Variants in ZDHHC21 observed in about 807,000 individuals in gnomAD.
ZDHHC21 encodes the protein zDHHC palmitoyltransferase 21, also known as palmitoyltransferase ZDHHC21.
ZDHHC21 carries 15 observed loss-of-function variants against 34.6 expected under a neutral mutation model. The observed-to-expected ratio is 0.43, with a 90% CI of 0.29 to 0.67. ZDHHC21 has a LOEUF of 0.67. ZDHHC21 is among the 30% of genes least tolerant of loss of function. The pLI is 0.14. For missense variants in ZDHHC21, 344 were observed against 327.7 expected, an observed-to-expected ratio of 1.05 and a Z score of -0.38; for synonymous variants, 142 against 101.8, an observed-to-expected ratio of 1.40 and a Z score of -2.38.
At position 14,637,063 on chromosome 9, in the gene ZDHHC21, C is replaced by T. The variant is rs997163966; in HGVS notation, c.621+2833G>A. 2.6e-5 allele frequency among the ~76,000 whole-genome samples: 4 copies of T among 151,430 alleles called. No homozygotes were observed. In the South Asian group the frequency reaches 6.3e-4, roughly 24 times the overall value. Reference sequence around the variant, plus strand: ...AAGAAATAATGAAGACCAGATGAGACGTAAAAGCAAAAGAGACTAAAAAAA... The same window carrying T: ...AAGAAATAATGAAGACCAGATGAGATGTAAAAGCAAAAGAGACTAAAAAAA... On this transcript the variant is annotated intron_variant, in intron 8 of 9. Transcript: ENST00000380916.
At chr9:14,688,082 T>A (rs1051363056) in intron 2 of ZDHHC21, among the ~76,000 whole-genome samples, 1 of 150,042 alleles carries the variant, frequency 6.7e-6, no homozygotes, top group Non-Finnish European at 1.5e-5. Context: ...ATTTTTTAAA[T>A]ATCACATAGA....
chr9:14,606,662 G>A (rs1823023814), downstream of ZDHHC21, among the ~76,000 whole-genome samples: 1 of 152,042 alleles, frequency 6.6e-6, no homozygotes, highest in Non-Finnish European at 1.5e-5. Context: ...GTTTGGGATT[G>A]TTATATAGCA....
chr9:14,646,670 A>G (rs987269328), intron 7 of ZDHHC21, among the ~76,000 whole-genome samples: 1 of 152,118 alleles, frequency 6.6e-6, no homozygotes, highest in African/African-American at 2.4e-5. Context: ...TGTTCTTCCC[A>G]GAAAACTCCC....
intron 8 of ZDHHC21, among the ~76,000 whole-genome samples, chr9:14,634,335 C>T (rs149646758): frequency 1.3e-5 from 2 of 152,194 alleles, no homozygotes; most frequent in Non-Finnish European, 2.9e-5. Context: ...GAGAACCTGT[C>T]CACCTGCCTG....
chr9:14,683,964 C>T (rs1837831389), intron 2 of ZDHHC21, among the ~76,000 whole-genome samples: 1 of 152,210 alleles, frequency 6.6e-6, no homozygotes, highest in African/African-American at 2.4e-5. Context: ...ACGGTTATCT[C>T]AATAGATGCA....
intron 8 of ZDHHC21, among the ~76,000 whole-genome samples, chr9:14,636,349 G>A (rs962853083): frequency 2.6e-5 from 4 of 152,104 alleles, no homozygotes; most frequent in Admixed American, 1.3e-4. Flanking sequence ...GATCAATTCA[G>A]TAAGAAGATA....
intron 5 of ZDHHC21, among the ~76,000 whole-genome samples, chr9:14,662,940 G>C (rs1032089177): frequency 1.3e-5 from 2 of 152,150 alleles, no homozygotes; most frequent in African/African-American, 4.8e-5. Context: ...AGTTTCAGTA[G>C]TGAAAAATGT....
chr9:14,606,374 A>G (rs560893295), downstream of ZDHHC21, among the ~76,000 whole-genome samples: 184 of 152,294 alleles, frequency 1.2e-3, 1 homozygote, highest in African/African-American at 4.3e-3. Flanking sequence ...TCATGCTGTA[A>G]GTAAGCCCAA....
chr9:14,686,696 G>C (rs10961669), intron 2 of ZDHHC21, among the ~76,000 whole-genome samples: 34,227 of 151,974 alleles, frequency 0.23, 4,228 homozygotes, highest in South Asian at 0.36. Flanking sequence ...TTAAAGTCTG[G>C]GTATAGTGGC....
chr9:14,596,373 G>C, the ZDHHC21 span, among the ~76,000 whole-genome samples: 1 of 152,238 alleles, frequency 6.6e-6, no homozygotes, highest in Non-Finnish European at 1.5e-5. Flanking sequence ...GGTATGAAGA[G>C]GTGGGGCTCA....
Position 14,624,723 on chromosome 9 carries a change from G to A in ZDHHC21, c.622-5041C>T, listed in dbSNP as rs1825912332. Among the ~76,000 whole-genome samples, 4 of 152,050 alleles carry A rather than the reference G, an allele frequency of 2.6e-5. No individual in the cohort carries two copies. The South Asian group carries it at 8.3e-4, about 31-fold the overall frequency. On this transcript the variant is annotated intron_variant, in intron 8 of 9. Coordinates refer to ENST00000380916, the MANE Select transcript of ZDHHC21 (RefSeq NM_178566.6). ...AATTAGAAAGGAGTAATAAATTGTG[G>A]TGTTCTATTGCACAGCAGTGTGATT...
In ZDHHC21 at chr9:14,613,473, C is replaced by G. The variant is rs1012660236; in HGVS notation, c.*5493G>C. ...CTTGCAATACGCAGGTAAGCTTTCC[C>G]TTTAGTTAACAGCCTGCAAACAATT... On this transcript the variant is annotated 3_prime_UTR_variant, in exon 10 of 10. Coordinates refer to ENST00000380916, the MANE Select transcript of ZDHHC21 (RefSeq NM_178566.6). The G allele has an allele frequency of 3.3e-5, 5 of 151,746 alleles. No homozygotes were observed. Among genetic ancestry groups the G allele is most frequent in the African/African-American group, 1.2e-4 (5 of 41,392 alleles). The allele number at this position is 151,746 out of a possible 1,614,324, so 9.4% of individuals were successfully genotyped here. A position where few individuals can be genotyped will look rare whatever the true frequency, so the allele number is the denominator to read the frequency against.
intron 8 of ZDHHC21, among the ~76,000 whole-genome samples, chr9:14,632,218 A>T (rs1827492521): frequency 6.6e-6 from 1 of 152,158 alleles, no homozygotes; most frequent in Admixed American, 6.5e-5. Context: ...AGTAATTAAG[A>T]AAGTGTGGTC....
intron 9 of ZDHHC21, 110 bp downstream of exon 9, chr9:14,619,529 C>A: frequency 1.1e-6 from 1 of 935,386 alleles, no homozygotes; most frequent in Non-Finnish European, 1.6e-6. Flanking sequence ...GACAATGCAC[C>A]AAGAAAAAGC....
chr9:14,630,923 T>A (rs1045514944), intron 8 of ZDHHC21, among the ~76,000 whole-genome samples: 1 of 152,218 alleles, frequency 6.6e-6, no homozygotes. Context: ...TTTCCATTTC[T>A]AGGGCAAAGG....
At chr9:14,648,346 G>C (rs1044911588) in intron 7 of ZDHHC21, among the ~76,000 whole-genome samples, 1 of 151,774 alleles carries the variant, frequency 6.6e-6, no homozygotes, top group Admixed American at 6.6e-5. Context: ...AAATGAGATT[G>C]TGTAATGGCT....
chr9:14,666,211 A>G, intron 5 of ZDHHC21, among the ~76,000 whole-genome samples: 1 of 99,974 alleles, frequency 1.0e-5, no homozygotes, highest in Non-Finnish European at 2.2e-5. Context: ...AGTCTCTGAT[A>G]AAACAGACTT....
chr9:14,610,649 G>C (rs1430959059), downstream of ZDHHC21, among the ~76,000 whole-genome samples: 5 of 151,864 alleles, frequency 3.3e-5, no homozygotes, highest in Non-Finnish European at 7.4e-5. Context: ...AGGAGCACAG[G>C]CTTTAATTCA....
rs184161527 is a variant in ZDHHC21 at position 14,687,499 on chromosome 9, C to T, written c.-176+2838G>A. Among the ~76,000 whole-genome samples the T allele has an allele frequency of 1.3e-3, 202 of 150,668 alleles. 5 individuals carry two copies. The highest frequency in any genetic ancestry group is 0.013 in the Admixed American group (193 of 15,244). On this transcript the variant is annotated intron_variant, in intron 2 of 9. Coordinates refer to ENST00000380916, the MANE Select transcript of ZDHHC21 (RefSeq NM_178566.6). ...TGGCCTGGCCAACATGTTAAAACCC[C>T]GTCTCTACCAAAAATACAACAATTA...
Sources: allele counts gnomAD v4.1 joint callset (sites outside exome capture counted in the v4.1 genomes callset), GRCh38; gene constraint gnomAD v4.1.1; transcripts MANE v1.5; gene names NCBI Gene and HGNC (gene_info 2026-07-23, HGNC 2026-07-21).